WDR36: variants seen among roughly 807,000 people sequenced by gnomAD.
WDR36 encodes the protein WD repeat-containing protein 36.
A neutral mutation model predicts 112.7 loss-of-function variants in WDR36; 63 were observed. The observed-to-expected ratio is 0.56, with a 90% CI of 0.46 to 0.69. WDR36 has a LOEUF of 0.69. WDR36 is among the 30% of genes least tolerant of loss of function. The pLI, the probability that WDR36 is intolerant of heterozygous loss-of-function variation, is 0.00. For missense variants in WDR36, 1,226 were observed against 1,070.3 expected (o/e 1.15, Z -2.03); for synonymous variants, 410 against 362.2 (o/e 1.13, Z -1.50).
At chr5:111,098,186 CAG>C (rs1392943296) in intron 3 of WDR36, among the ~76,000 whole-genome samples, 2 of 152,090 alleles carry the variant, frequency 1.3e-5, no homozygotes, top group Non-Finnish European at 2.9e-5. Flanking sequence ...GGAGAGGAAA[CAG>C]TGTTACTGGA....
chr5:111,093,878 A>C (rs1561699635), intron 1 of WDR36, among the ~76,000 whole-genome samples: 1 of 152,212 alleles, frequency 6.6e-6, no homozygotes, highest in Non-Finnish European at 1.5e-5. Context: ...AGTCATAATA[A>C]AGATGGCTTT....
chr5:111,110,387 G>T, intron 13 of WDR36, 84 bp downstream of exon 13: 2 of 1,182,500 alleles, frequency 1.7e-6, no homozygotes, highest in Non-Finnish European at 2.5e-6. Flanking sequence ...ATCTTTAAGT[G>T]CTGGGCATTT....
At chr5:111,103,945 G>T in intron 7 of WDR36, 27 bp downstream of exon 7, 3 of 1,609,020 alleles carry the variant, frequency 1.9e-6, no homozygotes, top group South Asian at 1.1e-5. Context: ...TTATTGATAG[G>T]AGTTAAGAAC....
chr5:111,098,952 T>G (rs1203881328), intron 4 of WDR36, 113 bp downstream of exon 4: 5 of 779,220 alleles, frequency 6.4e-6, no homozygotes, highest in Non-Finnish European at 1.1e-5. Flanking sequence ...AGTAAGAAAT[T>G]AAAAAAATCA....
At chr5:111,099,417 A>G (rs146307890) in intron 4 of WDR36, among the ~76,000 whole-genome samples, 30 of 112,916 alleles carry the variant, frequency 2.7e-4, no homozygotes, top group African/African-American at 8.3e-4. Context: ...ATCTGGTTAC[A>G]TTTTTAGCTT....
rs949747267 is a variant in WDR36 at position 111,130,071 on chromosome 5, A to G, written c.*3188A>G. The G allele has an allele frequency of 4.7e-6, 1 of 210,862 alleles. No individual in the cohort carries two copies. The highest frequency in any genetic ancestry group is 9.6e-6 in the Non-Finnish European group (1 of 103,836). The allele number at this position is 210,862 out of a possible 1,614,324, so 13.1% of individuals were successfully genotyped here. A position where few individuals can be genotyped will look rare whatever the true frequency, so the allele number is the denominator to read the frequency against. On this transcript the variant is annotated 3_prime_UTR_variant, in exon 23 of 23. Coordinates refer to ENST00000513710, the MANE Select transcript of WDR36 (RefSeq NM_139281.3). ...TTGGGTAAAGCCTTCCTCATGTTCT[A>G]TAAAAATTGGTTAACTGCTGGTGAG...
chr5:111,102,297 C>T (rs747967454), intron 5 of WDR36, 48 bp from the exon 6 acceptor site: 2 of 1,422,392 alleles, frequency 1.4e-6, no homozygotes, highest in Admixed American at 3.7e-5. Context: ...ATATTGTTTT[C>T]CTCCAAAAAA....
intron 5 of WDR36, 74 bp from the exon 6 acceptor site, chr5:111,102,271 T>C: frequency 8.7e-7 from 1 of 1,148,998 alleles, no homozygotes; most frequent in Non-Finnish European, 1.3e-6. Flanking sequence ...TTATTTCACT[T>C]TTTAATGTGT....
intron 1 of WDR36, among the ~76,000 whole-genome samples, chr5:111,094,593 A>C (rs553355928): frequency 6.6e-6 from 1 of 152,202 alleles, no homozygotes; most frequent in Non-Finnish European, 1.5e-5. Context: ...CACATTATTT[A>C]TCTATTACGT....
At position 111,129,544 on chromosome 5, in the gene WDR36, A is replaced by AT. The variant is rs1241236316; in HGVS notation, c.*2666dup. The AT allele has an allele frequency of 5.0e-6, 1 of 200,122 alleles. No homozygotes were observed. The highest frequency in any genetic ancestry group is 2.3e-5 in the African/African-American group (1 of 43,338). 12.4% of individuals were successfully genotyped at this position (200,122 alleles called of 1,614,324 possible). A position where few individuals can be genotyped will look rare whatever the true frequency, so the allele number is the denominator to read the frequency against. ...ATTTGTTAATTTTCTTTTTCCTCTC[A>AT]TTTTTCTATTGAATGATTTGTCCTT... On this transcript the variant is annotated 3_prime_UTR_variant, in exon 23 of 23. Transcript: ENST00000513710.
chr5:111,124,790 T>C (rs1330945045), intron 21 of WDR36, among the ~76,000 whole-genome samples: 1 of 152,202 alleles, frequency 6.6e-6, no homozygotes, highest in Non-Finnish European at 1.5e-5. Flanking sequence ...TTTGTTTTCA[T>C]ACCGAGATTA....
At position 111,129,245 on chromosome 5, in the gene WDR36, C is replaced by G. The variant is rs1753737190; in HGVS notation, c.*2362C>G. On this transcript the variant is annotated 3_prime_UTR_variant, in exon 23 of 23. Coordinates refer to ENST00000513710, the MANE Select transcript of WDR36 (RefSeq NM_139281.3). ...GCCCTTTTTGTACATATAAGGCTCT[C>G]TCTGTGGTATATGCTTAGGATTTGA... is the stretch of plus-strand genomic sequence containing the variant. 1 of 196,350 alleles carries G rather than the reference C, an allele frequency of 5.1e-6. No individual in the cohort carries two copies. Among genetic ancestry groups the G allele is most frequent in the African/African-American group, 2.3e-5 (1 of 43,276 alleles). The allele number at this position is 196,350 out of a possible 1,614,324, so 12.2% of individuals were successfully genotyped here.
intron 1 of WDR36, among the ~76,000 whole-genome samples, chr5:111,092,940 C>G (rs747985627): frequency 2.0e-5 from 3 of 152,230 alleles, no homozygotes; most frequent in Non-Finnish European, 2.9e-5. Context: ...AAACCTCTAC[C>G]TCTTGCATTC....
At chr5:111,114,592 G>A (rs1351218150) in intron 16 of WDR36, among the ~76,000 whole-genome samples, 2 of 152,148 alleles carry the variant, frequency 1.3e-5, no homozygotes, top group African/African-American at 4.8e-5. Context: ...CCACAGGTTT[G>A]TCTCTTTCAC....
intron 10 of WDR36, 116 bp from the exon 11 acceptor site, chr5:111,105,941 C>A: frequency 1.3e-6 from 1 of 774,558 alleles, no homozygotes; most frequent in Non-Finnish European, 2.2e-6. Flanking sequence ...TTGTTTCTGA[C>A]TTAAATGGGA....
chr5:111,104,186 C>T lies in WDR36; in HGVS notation c.740C>T (p.Pro247Leu). Residue 247 changes from proline to leucine, a missense_variant, in exon 8 of 23, where the codon CCA becomes CTA. Coordinates refer to ENST00000513710, the MANE Select transcript of WDR36 (RefSeq NM_139281.3). ...TSISFRTDGH[P>L]VMAAGSPCGH... ...TTTATTTTAATAACAGATGGTCATC[C>T]AGTAATGGCAGCTGGAAGCCCATGT... 6.2e-7 allele frequency: 1 copy of T among 1,610,830 alleles called. No homozygotes were observed. The highest frequency in any genetic ancestry group is 8.5e-7 in the Non-Finnish European group (1 of 1,177,974).
chr5:111,110,676 G>A (rs946932035), intron 13 of WDR36, 112 bp from the exon 14 acceptor site: 145 of 1,167,994 alleles, frequency 1.2e-4, no homozygotes, highest in Non-Finnish European at 1.7e-4. Context: ...AGATTTTAAA[G>A]GATATTTAAG....
intron 16 of WDR36, 48 bp from the exon 17 acceptor site, chr5:111,118,965 C>A: frequency 6.7e-7 from 1 of 1,485,720 alleles, no homozygotes; most frequent in South Asian, 1.1e-5. Flanking sequence ...GAATTATCTC[C>A]TTTTTGGTAG....
intron 19 of WDR36, among the ~76,000 whole-genome samples, chr5:111,122,278 T>C (rs944284675): frequency 1.3e-5 from 2 of 152,190 alleles, no homozygotes; most frequent in Non-Finnish European, 2.9e-5. Context: ...GCTTAACTAA[T>C]TGAGCAGAGT....
Sources: allele counts gnomAD v4.1 joint callset (sites outside exome capture counted in the v4.1 genomes callset), GRCh38; gene constraint gnomAD v4.1.1; transcripts MANE v1.5; gene names NCBI Gene and HGNC (gene_info 2026-07-23, HGNC 2026-07-21).